The following RSRC1 variants were observed in gnomAD, a reference collection of about 807,000 sequenced individuals.
The protein encoded by RSRC1 is serine/Arginine-related protein 53.
RSRC1 carries 39 observed loss-of-function variants against 49.1 expected under a neutral mutation model. The ratio of observed to expected loss-of-function variants is 0.79; its 90% CI spans 0.61 to 1.04. The LOEUF (loss-of-function observed/expected upper bound fraction) is 1.04, where lower values mean the gene tolerates loss of function less well. RSRC1 is among the 50% of genes least tolerant of loss of function. The pLI is 0.00. For synonymous variants in RSRC1, 143 were observed against 130.8 expected (o/e 1.09, Z -0.63); for missense variants, 388 against 402.4 (o/e 0.96, Z 0.31).
chr3:158,122,297 A>G lies in RSRC1; in HGVS notation c.193A>G (p.Arg65Gly). Residue 65 changes from arginine to glycine, a missense_variant and splice_region_variant, in exon 2 of 10, where the codon AGA becomes GGA. Coordinates refer to ENST00000611884, the MANE Select transcript of RSRC1 (RefSeq NM_001271838.2). The part of the protein sequence containing the change: ...LQPRSHSYDR[R>G]RRHRSSSSSS... ...GCCTCGTTCACATTCTTATGATAGA[A>G]GGTGATTTTTGTAATTTTTATTTAT... 6.4e-7 allele frequency: 1 copy of G among 1,554,528 alleles called. No individual in the cohort carries two copies. Among genetic ancestry groups the G allele is most frequent in the Admixed American group, 2.1e-5 (1 of 48,292 alleles).
In RSRC1 at chr3:158,131,042, G is replaced by T. The variant is rs895864980; in HGVS notation, c.320+7051G>T. On this transcript the variant is annotated intron_variant, in intron 3 of 9. Coordinates refer to ENST00000611884, the MANE Select transcript of RSRC1 (RefSeq NM_001271838.2). ...TCTATGCTGAAGAAAAGTGATGAAC[G>T]TGGGCAAACTTGCCTTTTTTCCTAT... Among the ~76,000 whole-genome samples the T allele has an allele frequency of 2.0e-5, 3 of 152,030 alleles. No homozygotes were observed. In the South Asian group the frequency reaches 6.2e-4, roughly 31 times the overall value.
chr3:158,390,380 A>T (rs983148962), intron 6 of RSRC1, among the ~76,000 whole-genome samples: 2 of 152,198 alleles, frequency 1.3e-5, no homozygotes, highest in Non-Finnish European at 2.9e-5. Flanking sequence ...TTGGACAATC[A>T]AGAAAGTAGG....
chr3:158,524,677 A>T (rs1471024916), intron 7 of RSRC1, among the ~76,000 whole-genome samples: 1 of 151,964 alleles, frequency 6.6e-6, no homozygotes, highest in Non-Finnish European at 1.5e-5. Flanking sequence ...TACATTTTCC[A>T]TGAACTTTTT....
At chr3:158,298,798 A>G (rs1158207743) in intron 5 of RSRC1, among the ~76,000 whole-genome samples, 2 of 152,156 alleles carry the variant, frequency 1.3e-5, no homozygotes, top group African/African-American at 2.4e-5. Flanking sequence ...ATGTTGAATA[A>G]TTAATGGTAC....
At chr3:158,542,080 A>G (rs771635887) in intron 8 of RSRC1, among the ~76,000 whole-genome samples, 20 of 152,056 alleles carry the variant, frequency 1.3e-4, no homozygotes, top group Non-Finnish European at 2.5e-4. Context: ...AAACTTTTAT[A>G]TATATATTTT....
At position 158,333,008 on chromosome 3, in the gene RSRC1, G is replaced by A. The variant is rs1256999152; in HGVS notation, c.532-21849G>A. Among the ~76,000 whole-genome samples, 14 of 142,732 alleles carry A rather than the reference G, an allele frequency of 9.8e-5. No individual in the cohort carries two copies. The East Asian group carries it at 2.2e-3, about 23-fold the overall frequency. The allele number at this position is 142,732 out of a possible 152,430, so 93.6% of individuals were successfully genotyped here. ...TTTTGAGACAGAGTCTCGCTCTTTC[G>A]CCCAGGCCGGACTGCAGTGGCGCTA... On this transcript the variant is annotated intron_variant, in intron 5 of 9. Coordinates refer to ENST00000611884, the MANE Select transcript of RSRC1 (RefSeq NM_001271838.2).
chr3:158,444,937 A>G (rs6441199), intron 6 of RSRC1, among the ~76,000 whole-genome samples: 77,438 of 151,916 alleles, frequency 0.51, 20,097 homozygotes, highest in South Asian at 0.6. Context: ...AAAAATGCAA[A>G]TCAAAACCAC....
Position 158,224,531 on chromosome 3 carries a change from A to G in RSRC1, c.494+21286A>G, listed in dbSNP as rs1301337900. 2.6e-5 allele frequency among the ~76,000 whole-genome samples: 4 copies of G among 151,870 alleles called. 1 individual carries two copies. The highest frequency in any genetic ancestry group is 9.7e-5 in the African/African-American group (4 of 41,432). On this transcript the variant is annotated intron_variant, in intron 4 of 9. Transcript: ENST00000611884. ...TTATTTTTAATTTTGAAATCACAGA[A>G]TTTCTTTTGTGAAAAGAGTGGATGG...
At chr3:158,159,636 AGAAG>A (rs1718094366) in intron 3 of RSRC1, among the ~76,000 whole-genome samples, 1 of 152,144 alleles carries the variant, frequency 6.6e-6, no homozygotes, top group South Asian at 2.1e-4. Flanking sequence ...TTTTGTAGAT[AGAAG>A]GGAGTAGAAA....
At chr3:158,500,921 G>T in intron 7 of RSRC1, among the ~76,000 whole-genome samples, 1 of 151,544 alleles carries the variant, frequency 6.6e-6, no homozygotes, top group South Asian at 2.1e-4. Flanking sequence ...TTTTTTTCTT[G>T]TTTCTCTAGT....
intron 6 of RSRC1, among the ~76,000 whole-genome samples, chr3:158,457,535 G>C (rs1224196374): frequency 6.6e-6 from 1 of 152,056 alleles, no homozygotes; most frequent in Admixed American, 6.6e-5. Context: ...CCATAGATAG[G>C]TATGGCTATG....
chr3:158,508,159 T>A (rs1466728178), intron 7 of RSRC1, among the ~76,000 whole-genome samples: 2 of 152,270 alleles, frequency 1.3e-5, no homozygotes, highest in East Asian at 3.9e-4. Flanking sequence ...AAATTTAGTC[T>A]TTCAATGAGG....
Position 158,525,641 on chromosome 3 carries a change from C to A in RSRC1, c.653-11451C>A, listed in dbSNP as rs76626702. Reference sequence around the variant, plus strand: ...GCAACCTTATTCTCAAAAGCCAGAACCTGGAAACAACCCAAATGTTCATCT... The same window carrying A: ...GCAACCTTATTCTCAAAAGCCAGAAACTGGAAACAACCCAAATGTTCATCT... On this transcript the variant is annotated intron_variant, in intron 7 of 9. Coordinates refer to ENST00000611884, the MANE Select transcript of RSRC1 (RefSeq NM_001271838.2). 5.2e-3 allele frequency among the ~76,000 whole-genome samples: 796 copies of A among 151,974 alleles called. 2 individuals carry two copies. The highest frequency in any genetic ancestry group is 0.018 in the African/African-American group (746 of 41,498).
intron 6 of RSRC1, among the ~76,000 whole-genome samples, chr3:158,446,072 T>C (rs1168967805): frequency 6.6e-6 from 1 of 152,084 alleles, no homozygotes; most frequent in Admixed American, 6.6e-5. Flanking sequence ...AAATATCTAT[T>C]AATAGCAACA....
intron 3 of RSRC1, among the ~76,000 whole-genome samples, chr3:158,199,174 G>A (rs117130715): frequency 5.3e-5 from 8 of 152,258 alleles, no homozygotes; most frequent in South Asian, 2.1e-4. Flanking sequence ...GCTGCTATCC[G>A]CGTAAGATGT....
intron 4 of RSRC1, among the ~76,000 whole-genome samples, chr3:158,205,217 A>G (rs1721280703): frequency 6.6e-6 from 1 of 152,162 alleles, no homozygotes; most frequent in Admixed American, 6.6e-5. Flanking sequence ...AGTGGGCCGT[A>G]GTAGAGGATA....
At chr3:158,432,860 A>G (rs547200492) in intron 6 of RSRC1, among the ~76,000 whole-genome samples, 55 of 152,040 alleles carry the variant, frequency 3.6e-4, no homozygotes, top group African/African-American at 1.3e-3. Context: ...ATCTAGAAAT[A>G]CTATATATAT....
intron 7 of RSRC1, among the ~76,000 whole-genome samples, chr3:158,516,152 C>T (rs1162292113): frequency 1.3e-5 from 2 of 152,176 alleles, no homozygotes; most frequent in Non-Finnish European, 2.9e-5. Context: ...GAACTGCGTT[C>T]CTTTGGAGGA....
intron 7 of RSRC1, among the ~76,000 whole-genome samples, chr3:158,525,445 G>A (rs1711953638): frequency 6.6e-6 from 1 of 151,950 alleles, no homozygotes; most frequent in South Asian, 2.1e-4. Flanking sequence ...CTTCTACACT[G>A]CTGTTGGGAA....
Sources: gnomAD v4.1 joint callset for allele counts (sites outside exome capture counted in the v4.1 genomes callset) on GRCh38, gnomAD v4.1.1 for gene constraint, MANE v1.5 for transcripts, NCBI Gene and HGNC (gene_info 2026-07-23, HGNC 2026-07-21) for gene names.